CAPN5: variants seen among roughly 807,000 people sequenced by gnomAD.
CAPN5 encodes calpain-5.
A neutral mutation model predicts 73.0 loss-of-function variants in CAPN5; 54 were observed. The ratio of observed to expected loss-of-function variants is 0.74; its 90% CI spans 0.59 to 0.93. The LOEUF is 0.93. CAPN5 is among the 40% of genes least tolerant of loss of function. The pLI, the probability that CAPN5 is intolerant of heterozygous loss-of-function variation, is 0.00. For synonymous variants in CAPN5, 335 were observed against 356.9 expected, an observed-to-expected ratio of 0.94 and a Z score of 0.69; for missense variants, 785 against 882.9, an observed-to-expected ratio of 0.89 and a Z score of 1.41.
intron 2 of CAPN5, chr11:77,088,044 C>G: frequency 6.5e-7 from 1 of 1,535,162 alleles, no homozygotes; most frequent in Non-Finnish European, 8.7e-7. Context: ...GTCCTCCTCG[C>G]TCAGGGCCCG....
At chr11:77,101,041 C>T (rs1392084744) in intron 3 of CAPN5, among the ~76,000 whole-genome samples, 2 of 152,250 alleles carry the variant, frequency 1.3e-5, no homozygotes, top group Non-Finnish European at 2.9e-5. Flanking sequence ...ACTGTCTCCC[C>T]ACCTGCCCAC....
intron 1 of CAPN5, among the ~76,000 whole-genome samples, chr11:77,079,403 A>G (rs896493414): frequency 6.6e-6 from 1 of 152,160 alleles, no homozygotes; most frequent in Non-Finnish European, 1.5e-5. Flanking sequence ...GAATCATGTA[A>G]TATTGCTTCT....
intron 3 of CAPN5, among the ~76,000 whole-genome samples, chr11:77,111,526 A>G (rs1323397189): frequency 6.6e-6 from 1 of 152,246 alleles, no homozygotes; most frequent in Non-Finnish European, 1.5e-5. Flanking sequence ...TGGTAGTCAC[A>G]GGCATTTCCC....
chr11:77,078,311 G>C (rs1334569691), intron 1 of CAPN5, among the ~76,000 whole-genome samples: 2 of 152,166 alleles, frequency 1.3e-5, no homozygotes, highest in African/African-American at 4.8e-5. Context: ...CCAATTATTG[G>C]AGAGACTGTC....
rs1176521291 is a variant in CAPN5 at position 77,118,194 on chromosome 11, A to G, written c.1009A>G (p.Ile337Val). The G allele has an allele frequency of 1.2e-6, 2 of 1,614,030 alleles. No individual in the cohort carries two copies. Among genetic ancestry groups the G allele is most frequent in the South Asian group, 1.1e-5 (1 of 91,060 alleles). Reference sequence around the variant, plus strand: ...GGACGTGTGCCGGTACTTCACGGACATCATCAAGTGCCGCGTGATCAACAC... The same window carrying G: ...GGACGTGTGCCGGTACTTCACGGACGTCATCAAGTGCCGCGTGATCAACAC... ...FEDVCRYFTD[I>V]IKCRVINTSH... The change falls in exon 8 of 13, where the codon ATC becomes GTC. Residue 337 changes from isoleucine to valine, a missense_variant. By Grantham distance (29) the Ile-to-Val change is conservative (BLOSUM62 3). Coordinates refer to ENST00000648180, the MANE Select transcript of CAPN5 (RefSeq NM_004055.5).
intron 2 of CAPN5, among the ~76,000 whole-genome samples, chr11:77,090,310 C>T (rs911298808): frequency 3.3e-5 from 5 of 152,322 alleles, no homozygotes; most frequent in South Asian, 2.1e-4. Flanking sequence ...CAGGTTCCTG[C>T]TCTGCCACAG....
At chr11:77,107,330 C>T (rs1274145850) in intron 3 of CAPN5, among the ~76,000 whole-genome samples, 1 of 152,208 alleles carries the variant, frequency 6.6e-6, no homozygotes, top group African/African-American at 2.4e-5. Flanking sequence ...CCCTGTAGCC[C>T]CCATTCCACA....
chr11:77,122,770 C>T (rs1555043143), intron 12 of CAPN5, 58 bp downstream of exon 12: 1 of 1,603,754 alleles, frequency 6.2e-7, no homozygotes, highest in African/African-American at 1.3e-5. Flanking sequence ...CTTCCCCACT[C>T]AGGGGGACAA....
intron 1 of CAPN5, among the ~76,000 whole-genome samples, chr11:77,078,952 T>C (rs140235452): frequency 6.6e-6 from 1 of 152,304 alleles, no homozygotes; most frequent in Non-Finnish European, 1.5e-5. Flanking sequence ...AGAATTTTTA[T>C]CATGAAAGGA....
chr11:77,081,215 A>T (rs781798966), intron 1 of CAPN5, among the ~76,000 whole-genome samples: 1 of 152,144 alleles, frequency 6.6e-6, no homozygotes, highest in African/African-American at 2.4e-5. Context: ...CACTGTGCTC[A>T]TTTTAGGGGG....
At chr11:77,081,464 C>T (rs1555034593) in intron 1 of CAPN5, among the ~76,000 whole-genome samples, 2 of 152,170 alleles carry the variant, frequency 1.3e-5, no homozygotes, top group Non-Finnish European at 2.9e-5. Context: ...CCATACCTGG[C>T]GGGGGTCTGG....
At chr11:77,104,116 A>G (rs961777996) in intron 3 of CAPN5, among the ~76,000 whole-genome samples, 8 of 152,202 alleles carry the variant, frequency 5.3e-5, no homozygotes, top group Non-Finnish European at 1.2e-4. Flanking sequence ...TCTGTTCATC[A>G]TTGCTGCTGG....
chr11:77,102,619 C>T (rs1470055354), intron 3 of CAPN5, among the ~76,000 whole-genome samples: 7 of 152,250 alleles, frequency 4.6e-5, no homozygotes, highest in African/African-American at 1.2e-4. Flanking sequence ...CCTGCATTAT[C>T]GCTTCTGCGG....
At chr11:77,075,523 A>G (rs1404406983) in intron 1 of CAPN5, among the ~76,000 whole-genome samples, 1 of 152,122 alleles carries the variant, frequency 6.6e-6, no homozygotes, top group Non-Finnish European at 1.5e-5. Flanking sequence ...AGCCTGGGGC[A>G]CTTTCCCACT....
At chr11:77,074,952 G>A (rs760074577) in intron 1 of CAPN5, among the ~76,000 whole-genome samples, 1 of 152,208 alleles carries the variant, frequency 6.6e-6, no homozygotes, top group Non-Finnish European at 1.5e-5. Flanking sequence ...GCATCCACAC[G>A]TGAGACTGCC....
chr11:77,084,894 C>T lies in CAPN5; in HGVS notation c.8C>T (p.Ser3Leu), dbSNP rs781796599. ...CCTGGGGCAGCAGCCACCATGTTCT[C>T]GTGTGTGAAGCCCTATGAGGACCAG... Reference protein sequence around the residue: MFSCVKPYEDQNY... With the variant: MFLCVKPYEDQNY... Residue 3 changes from serine to leucine, a missense_variant, in exon 2 of 13, where the codon TCG (serine) becomes TTG (leucine). Transcript: ENST00000648180. 5.6e-6 allele frequency: 9 copies of T among 1,613,958 alleles called. No individual in the cohort carries two copies. Among genetic ancestry groups the T allele is most frequent in the East Asian group, 4.5e-5 (2 of 44,892 alleles).
intron 2 of CAPN5, among the ~76,000 whole-genome samples, chr11:77,085,583 A>T (rs201916549): frequency 6.6e-6 from 1 of 152,160 alleles, no homozygotes; most frequent in East Asian, 1.9e-4. Flanking sequence ...TGCATGCAAA[A>T]TTCCACTCAC....
chr11:77,070,319 G>GC (rs781920203), intron 1 of CAPN5, among the ~76,000 whole-genome samples: 1 of 152,214 alleles, frequency 6.6e-6, no homozygotes, highest in Non-Finnish European at 1.5e-5. Flanking sequence ...GTCAGGATGT[G>GC]CCCCCGGGGA....
rs117177233 is a variant in CAPN5, at chr11:77,103,355, C to T, written c.298-9234C>T. The stretch of plus-strand genomic sequence containing the variant: ...GACAGCAGCTGCCAGCTGCTGCTCT[C>T]CTCTAGCCCACCTGTGCTCTCCCCT... On this transcript the variant is annotated intron_variant, in intron 3 of 12. Transcript: ENST00000648180. 3.8e-6 allele frequency: 6 copies of T among 1,592,614 alleles called. No homozygotes were observed. The East Asian group carries it at 1.3e-4, about 36-fold the overall frequency.
Sources: allele counts gnomAD v4.1 joint callset (sites outside exome capture counted in the v4.1 genomes callset), GRCh38; gene constraint gnomAD v4.1.1; transcripts MANE v1.5; gene names NCBI Gene and HGNC (gene_info 2026-07-23, HGNC 2026-07-21).